GRIN2A: variants seen among roughly 807,000 people sequenced by gnomAD.
The protein encoded by GRIN2A is glutamate ionotropic receptor NMDA type subunit 2A.
In GRIN2A, 22 loss-of-function variants were observed where a neutral mutation model predicts 113.4. That is an observed-to-expected ratio of 0.19 (90% CI 0.14 to 0.28). The LOEUF is 0.28. GRIN2A is among the 10% of genes least tolerant of loss of function. GRIN2A has a pLI of 1.00. For missense variants in GRIN2A, 1,502 were observed against 1,887.0 expected, an observed-to-expected ratio of 0.80 and a Z score of 3.78; for synonymous variants, 827 against 738.4, an observed-to-expected ratio of 1.12 and a Z score of -1.94.
At position 10,088,194 on chromosome 16, in the gene GRIN2A, C is replaced by T. The variant is rs145992212; in HGVS notation, c.414+91804G>A. 2.4e-3 allele frequency among the ~76,000 whole-genome samples: 361 copies of T among 152,246 alleles called. 1 individual carries two copies. Among genetic ancestry groups the T allele is most frequent in the Non-Finnish European group, 4.2e-3 (283 of 68,016 alleles). Reference sequence around the variant, plus strand: ...GATAAGTGCAGGTAGTTTGCACATCCCAGGCTCAGAGCCTCTGTTAGAGTC... The same window carrying T: ...GATAAGTGCAGGTAGTTTGCACATCTCAGGCTCAGAGCCTCTGTTAGAGTC... On this transcript the variant is annotated intron_variant, in intron 2 of 12. Coordinates refer to ENST00000330684, the MANE Select transcript of GRIN2A (RefSeq NM_001134407.3).
chr16:9,921,704 A>T (rs2044361682), intron 3 of GRIN2A, among the ~76,000 whole-genome samples: 1 of 152,204 alleles, frequency 6.6e-6, no homozygotes, highest in Non-Finnish European at 1.5e-5. Context: ...TGGTGCACAA[A>T]AGTAAAATGG....
intron 4 of GRIN2A, 111 bp downstream of exon 4, chr16:9,890,875 G>T: frequency 1.3e-6 from 1 of 745,278 alleles, no homozygotes; most frequent in African/African-American, 1.7e-5. Flanking sequence ...CTGTGAGATG[G>T]GATCTAGAGC....
chr16:10,100,276 G>T (rs555096691), intron 2 of GRIN2A, among the ~76,000 whole-genome samples: 1 of 152,322 alleles, frequency 6.6e-6, no homozygotes, highest in Admixed American at 6.5e-5. Flanking sequence ...ACATGATCGG[G>T]TTTGCATTTT....
intron 2 of GRIN2A, among the ~76,000 whole-genome samples, chr16:10,069,854 G>C (rs371692179): frequency 6.6e-6 from 1 of 152,226 alleles, no homozygotes; most frequent in South Asian, 2.1e-4. Context: ...TAGATCCCAC[G>C]TCTTGGGCTT....
At chr16:9,924,812 A>C (rs565029769) in intron 3 of GRIN2A, among the ~76,000 whole-genome samples, 1 of 152,176 alleles carries the variant, frequency 6.6e-6, no homozygotes, top group Admixed American at 6.5e-5. Context: ...TAATCCATCC[A>C]GTGTAGTTTT....
intron 2 of GRIN2A, among the ~76,000 whole-genome samples, chr16:10,015,041 A>C (rs2141878898): frequency 6.6e-6 from 1 of 151,988 alleles, no homozygotes; most frequent in African/African-American, 2.4e-5. Flanking sequence ...ATTACCTGAG[A>C]TCAGGAGTTC....
chr16:9,995,066 G>A (rs1219755088), intron 2 of GRIN2A, among the ~76,000 whole-genome samples: 1 of 152,138 alleles, frequency 6.6e-6, no homozygotes, highest in Non-Finnish European at 1.5e-5. Flanking sequence ...GAAGACTGTT[G>A]GTCCTTGGTT....
At chr16:9,863,997 A>G (rs895100564) in intron 4 of GRIN2A, among the ~76,000 whole-genome samples, 1 of 152,246 alleles carries the variant, frequency 6.6e-6, no homozygotes, top group African/African-American at 2.4e-5. Context: ...AACACATAAC[A>G]TTGGATGAGA....
chr16:9,900,355 C>T (rs1471819347), intron 3 of GRIN2A, among the ~76,000 whole-genome samples: 2 of 152,164 alleles, frequency 1.3e-5, no homozygotes, highest in Non-Finnish European at 2.9e-5. Context: ...GGTGCAAAGC[C>T]TGTAATCCAT....
chr16:10,085,050 A>T (rs2048060467), intron 2 of GRIN2A, among the ~76,000 whole-genome samples: 1 of 152,192 alleles, frequency 6.6e-6, no homozygotes, highest in Admixed American at 6.5e-5. Context: ...TACTGTTGTC[A>T]TTCCCATATT....
chr16:9,828,561 T>G (rs2042429545), intron 9 of GRIN2A, among the ~76,000 whole-genome samples: 1 of 152,208 alleles, frequency 6.6e-6, no homozygotes, highest in Non-Finnish European at 1.5e-5. Context: ...ACAGAAAATC[T>G]TTGTGGTGCT....
chr16:10,066,541 T>G lies in GRIN2A; in HGVS notation c.414+113457A>C, dbSNP rs79910369. On this transcript the variant is annotated intron_variant, in intron 2 of 12. Transcript: ENST00000330684. ...GACAAAACTATGGGCTATTTCATGT[T>G]CCTCACTGAGTAAGACCTCACTCAC... Among the ~76,000 whole-genome samples, 8 of 152,274 alleles carry G rather than the reference T, an allele frequency of 5.3e-5. No individual in the cohort carries two copies. The East Asian group carries it at 1.5e-3, about 29-fold the overall frequency.
chr16:9,979,152 A>G (rs2045834594), intron 2 of GRIN2A, among the ~76,000 whole-genome samples: 1 of 152,162 alleles, frequency 6.6e-6, no homozygotes, highest in African/African-American at 2.4e-5. Context: ...TATCTACTCA[A>G]AAGGAACACT....
At position 9,896,329 on chromosome 16, in the gene GRIN2A, G is replaced by A. The variant is rs143196179; in HGVS notation, c.1008-5229C>T. ...CTCCCAAAGTGCTGGGATTACAGGCGTGAGCCACCATGCCCAGCCAAAACA... is the reference window on the plus strand; with the variant it reads ...CTCCCAAAGTGCTGGGATTACAGGCATGAGCCACCATGCCCAGCCAAAACA... On this transcript the variant is annotated intron_variant, in intron 3 of 12. Transcript: ENST00000330684. Among the ~76,000 whole-genome samples, 260 of 152,270 alleles carry A rather than the reference G, an allele frequency of 1.7e-3. 2 individuals carry two copies. The highest frequency in any genetic ancestry group is 5.7e-3 in the African/African-American group (237 of 41,556).
intron 2 of GRIN2A, among the ~76,000 whole-genome samples, chr16:10,118,023 A>C (rs375067044): frequency 6.0e-4 from 92 of 152,246 alleles, no homozygotes; most frequent in Middle Eastern, 3.4e-3. Context: ...TGGACCAGCC[A>C]ATGATAATCT....
chr16:10,054,001 A>C (rs1010528352), intron 2 of GRIN2A, among the ~76,000 whole-genome samples: 1 of 152,334 alleles, frequency 6.6e-6, no homozygotes, highest in East Asian at 1.9e-4. Flanking sequence ...AAGGACCACA[A>C]ATACTTTTGC....
intron 2 of GRIN2A, among the ~76,000 whole-genome samples, chr16:10,063,346 A>G (rs1370006098): frequency 1.3e-5 from 2 of 152,198 alleles, no homozygotes; most frequent in Non-Finnish European, 2.9e-5. Flanking sequence ...ACATGTATCC[A>G]CTGGATCTAA....
chr16:9,936,285 C>T (rs1189893857), intron 3 of GRIN2A, among the ~76,000 whole-genome samples: 1 of 152,140 alleles, frequency 6.6e-6, no homozygotes, highest in Non-Finnish European at 1.5e-5. Context: ...CTTAACAAGT[C>T]CTCCCAGAGA....
intron 2 of GRIN2A, among the ~76,000 whole-genome samples, chr16:10,086,431 G>C (rs1567288186): frequency 6.6e-6 from 1 of 151,976 alleles, no homozygotes; most frequent in African/African-American, 2.4e-5. Flanking sequence ...GCCTACCCAG[G>C]AGGACAGGCA....
Sources: gnomAD v4.1 joint callset for allele counts (sites outside exome capture counted in the v4.1 genomes callset) on GRCh38, gnomAD v4.1.1 for gene constraint, MANE v1.5 for transcripts, NCBI Gene and HGNC (gene_info 2026-07-23, HGNC 2026-07-21) for gene names.